The following CDC73 variants were observed in gnomAD, a reference collection of about 807,000 sequenced individuals.
The protein encoded by CDC73 is cell division cycle 73.
CDC73 carries 21 observed loss-of-function variants against 83.7 expected under a neutral mutation model. The observed-to-expected ratio is 0.25, with a 90% CI of 0.18 to 0.36. The LOEUF (loss-of-function observed/expected upper bound fraction) is 0.36, where lower values mean the gene tolerates loss of function less well. Among genes scored for constraint, CDC73 ranks in the 10% least tolerant of loss-of-function variants. The pLI is 1.00. For missense variants in CDC73, 342 were observed against 653.3 expected (o/e 0.52, Z 5.19); for synonymous variants, 224 against 212.9 (o/e 1.05, Z -0.45).
chr1:193,164,392 G>A (rs1218239118), intron 10 of CDC73, among the ~76,000 whole-genome samples: 1 of 152,186 alleles, frequency 6.6e-6, no homozygotes, highest in Non-Finnish European at 1.5e-5. Flanking sequence ...ACTAAGTAAT[G>A]TTAGTATACC....
intron 10 of CDC73, among the ~76,000 whole-genome samples, chr1:193,196,126 CTTAAG>C (rs924166054): frequency 1.3e-5 from 2 of 152,112 alleles, no homozygotes; most frequent in African/African-American, 2.4e-5. Context: ...AGTTTTCACT[CTTAAG>C]TTTAGTCTTT....
rs370666592 is a variant in CDC73, at chr1:193,138,078, T to C, written c.424-7T>C. Reference sequence around the variant, plus strand: ...TTTTAAATGCATTAACCAGTGGTTATTTCCAGGATGAAGAGTGTGTGCGCC... The same window carrying C: ...TTTTAAATGCATTAACCAGTGGTTACTTCCAGGATGAAGAGTGTGTGCGCC... On this transcript the variant is annotated splice_polypyrimidine_tract_variant and splice_region_variant and intron_variant, in intron 5 of 16. Coordinates refer to ENST00000367435, the MANE Select transcript of CDC73 (RefSeq NM_024529.5). 6.2e-7 allele frequency: 1 copy of C among 1,608,688 alleles called. No individual in the cohort carries two copies. Among genetic ancestry groups the C allele is most frequent in the Non-Finnish European group, 8.5e-7 (1 of 1,175,180 alleles).
chr1:193,144,449 A>G (rs1013171848), intron 7 of CDC73, among the ~76,000 whole-genome samples: 2 of 151,876 alleles, frequency 1.3e-5, no homozygotes, highest in Admixed American at 6.6e-5. Flanking sequence ...ATTTTCAACT[A>G]TTTTTTATAA....
intron 14 of CDC73, among the ~76,000 whole-genome samples, chr1:193,235,891 G>A (rs1463564197): frequency 1.3e-5 from 2 of 151,988 alleles, no homozygotes; most frequent in African/African-American, 2.4e-5. Flanking sequence ...CAACTTTTTT[G>A]ATTAATAGTT....
intron 13 of CDC73, among the ~76,000 whole-genome samples, chr1:193,221,474 T>A (rs1243643740): frequency 6.6e-6 from 1 of 152,168 alleles, no homozygotes; most frequent in African/African-American, 2.4e-5. Flanking sequence ...ATCTCACAAA[T>A]TTTAGTAATT....
rs369932273 is a variant in CDC73 at position 193,168,262 on chromosome 1, A to G, written c.972+15818A>G. 1.3e-4 allele frequency among the ~76,000 whole-genome samples: 20 copies of G among 152,322 alleles called. 1 individual carries two copies. Among genetic ancestry groups the G allele is most frequent in the African/African-American group, 4.8e-4 (20 of 41,566 alleles). On this transcript the variant is annotated intron_variant, in intron 10 of 16. Coordinates refer to ENST00000367435, the MANE Select transcript of CDC73 (RefSeq NM_024529.5). ...TAAAATTCAGATGTCCTTATGTGAC[A>G]AAATGCTTGGCACACAAAATGCTGT...
intron 13 of CDC73, among the ~76,000 whole-genome samples, chr1:193,217,501 T>G (rs1677391069): frequency 6.6e-6 from 1 of 152,092 alleles, no homozygotes; most frequent in Admixed American, 6.5e-5. Context: ...CCCTGCGTCA[T>G]TCTGATGGCC....
intron 10 of CDC73, among the ~76,000 whole-genome samples, chr1:193,160,805 GA>G (rs1405207311): frequency 6.6e-6 from 1 of 151,686 alleles, no homozygotes; most frequent in African/African-American, 2.4e-5. Context: ...TGGTTTATAT[GA>G]AAAAAACCTA....
intron 13 of CDC73, 117 bp downstream of exon 13, chr1:193,212,594 A>C: frequency 1.5e-6 from 1 of 647,026 alleles, no homozygotes; most frequent in Non-Finnish European, 2.8e-6. Flanking sequence ...TCTGTGCTAT[A>C]GGCCTTACAC....
chr1:193,180,909 C>A (rs2103158802), intron 10 of CDC73: 1 of 1,613,730 alleles, frequency 6.2e-7, no homozygotes, highest in East Asian at 2.2e-5. Context: ...CTAAGTATTC[C>A]TGTTGAATTA....
chr1:193,190,757 T>C (rs1027448975), intron 10 of CDC73, among the ~76,000 whole-genome samples: 3 of 152,242 alleles, frequency 2.0e-5, no homozygotes, highest in Non-Finnish European at 4.4e-5. Flanking sequence ...GCAAATACTT[T>C]ATTATGCTTG....
intron 3 of CDC73, among the ~76,000 whole-genome samples, chr1:193,131,780 C>G (rs961197877): frequency 2.0e-5 from 3 of 152,180 alleles, no homozygotes; most frequent in Non-Finnish European, 4.4e-5. Flanking sequence ...GATCTGTGCT[C>G]AAGTGTTTTT....
chr1:193,148,902 C>A (rs999759837), intron 8 of CDC73, among the ~76,000 whole-genome samples: 1 of 151,730 alleles, frequency 6.6e-6, no homozygotes, highest in Non-Finnish European at 1.5e-5. Flanking sequence ...CCCACCTCGG[C>A]CTTCCAGAAA....
intron 10 of CDC73, among the ~76,000 whole-genome samples, chr1:193,168,669 G>A (rs568615605): frequency 6.6e-6 from 1 of 152,006 alleles, no homozygotes; most frequent in African/African-American, 2.4e-5. Context: ...GATTACAGGC[G>A]CCTGCCACCA....
intron 10 of CDC73, among the ~76,000 whole-genome samples, chr1:193,192,382 G>T (rs1215942370): frequency 6.6e-6 from 1 of 152,194 alleles, no homozygotes; most frequent in Middle Eastern, 3.2e-3. Flanking sequence ...GGCGGAAATT[G>T]CAGTGAGCCG....
chr1:193,132,613 AT>A (rs778924128), intron 3 of CDC73, among the ~76,000 whole-genome samples: 785 of 138,386 alleles, frequency 5.7e-3, no homozygotes, highest in African/African-American at 7.6e-3. Flanking sequence ...GTGCCCAGCC[AT>A]TTTTTTTTTT....
At chr1:193,178,689 G>A (rs1486393805) in intron 10 of CDC73, among the ~76,000 whole-genome samples, 2 of 152,124 alleles carry the variant, frequency 1.3e-5, no homozygotes, top group African/African-American at 4.8e-5. Flanking sequence ...GTGAAAGACA[G>A]GCTTGATCCA....
intron 10 of CDC73, among the ~76,000 whole-genome samples, chr1:193,174,822 C>T (rs1572175929): frequency 1.3e-5 from 2 of 152,166 alleles, no homozygotes; most frequent in East Asian, 3.8e-4. Context: ...CTCTGGAATT[C>T]CTTCTCTCCA....
At chr1:193,241,433 G>A (rs12119992) in intron 15 of CDC73, among the ~76,000 whole-genome samples, 6,581 of 152,302 alleles carry the variant, frequency 0.043, 139 homozygotes, top group African/African-American at 0.05. Context: ...CCAAGGCCAC[G>A]TATGCTGGCA....
Sources: allele counts gnomAD v4.1 joint callset (sites outside exome capture counted in the v4.1 genomes callset), GRCh38; gene constraint gnomAD v4.1.1; transcripts MANE v1.5; gene names NCBI Gene and HGNC (gene_info 2026-07-23, HGNC 2026-07-21).